The following GMEB1 variants were observed in gnomAD, a reference collection of about 807,000 sequenced individuals.
GMEB1 encodes the protein glucocorticoid modulatory element binding protein 1.
In GMEB1, 6 loss-of-function variants were observed where a neutral mutation model predicts 52.4. The ratio of observed to expected loss-of-function variants is 0.11; its 90% CI spans 0.06 to 0.23. The LOEUF is 0.23. Ranked by LOEUF, GMEB1 falls within the 10% of genes least tolerant of loss-of-function variation. The probability of loss-of-function intolerance (pLI) is 1.00; values close to 1 mark genes in which losing one functional copy is unlikely to be tolerated. For synonymous variants in GMEB1, 255 were observed against 244.9 expected, an observed-to-expected ratio of 1.04 and a Z score of -0.38; for missense variants, 486 against 685.6, an observed-to-expected ratio of 0.71 and a Z score of 3.25.
At chr1:28,711,210 C>T (rs1244721625) in intron 9 of GMEB1, among the ~76,000 whole-genome samples, 13 of 151,160 alleles carry the variant, frequency 8.6e-5, no homozygotes, top group African/African-American at 7.3e-5. Context: ...GGCGTGAACC[C>T]GGGAGGCGGA....
At chr1:28,701,766 C>T (rs1226260415) in intron 6 of GMEB1, among the ~76,000 whole-genome samples, 1 of 151,822 alleles carries the variant, frequency 6.6e-6, no homozygotes, top group Non-Finnish European at 1.5e-5. Flanking sequence ...TGCTATGTTG[C>T]CCAGGCTGGC....
intron 6 of GMEB1, among the ~76,000 whole-genome samples, chr1:28,701,728 C>T (rs758398508): frequency 6.6e-6 from 1 of 151,882 alleles, no homozygotes; most frequent in Non-Finnish European, 1.5e-5. Flanking sequence ...ACCACCACAC[C>T]CAGCTAGTTT....
At chr1:28,679,321 G>A (rs1669292953) in intron 1 of GMEB1, among the ~76,000 whole-genome samples, 2 of 151,950 alleles carry the variant, frequency 1.3e-5, no homozygotes, top group Admixed American at 6.6e-5. Context: ...GGGATTACAG[G>A]CGCCCACCAA....
rs143164167 is a variant in GMEB1 at position 28,688,459 on chromosome 1, C to G, written c.129-1645C>G. Reference sequence around the variant, plus strand: ...CAAGATGCAATAATTAGCACATCAGCTTTATTACAGAAATTAAATAAAGGA... The same window carrying G: ...CAAGATGCAATAATTAGCACATCAGGTTTATTACAGAAATTAAATAAAGGA... On this transcript the variant is annotated intron_variant, in intron 2 of 9. Coordinates refer to ENST00000373816, the MANE Select transcript of GMEB1 (RefSeq NM_001319674.2). Among the ~76,000 whole-genome samples, 501 of 152,166 alleles carry G rather than the reference C, an allele frequency of 3.3e-3. 2 individuals carry two copies. Among genetic ancestry groups the G allele is most frequent in the African/African-American group, 0.012 (484 of 41,518 alleles).
chr1:28,671,305 C>A (rs1462053662), intron 1 of GMEB1, among the ~76,000 whole-genome samples: 1 of 152,120 alleles, frequency 6.6e-6, no homozygotes, highest in East Asian at 1.9e-4. Flanking sequence ...GAGTTTCCCT[C>A]TGTTGCCCAG....
intron 1 of GMEB1, among the ~76,000 whole-genome samples, chr1:28,670,115 C>G (rs1668814093): frequency 6.6e-6 from 1 of 151,998 alleles, no homozygotes; most frequent in Non-Finnish European, 1.5e-5. Flanking sequence ...TTCCTCCTTG[C>G]CTCTTCTAAT....
chr1:28,713,418 A>G (rs1179324121), intron 9 of GMEB1, among the ~76,000 whole-genome samples: 1 of 152,200 alleles, frequency 6.6e-6, no homozygotes, highest in Non-Finnish European at 1.5e-5. Context: ...GGATAGTGAT[A>G]GGCGTACTAT....
intron 2 of GMEB1, among the ~76,000 whole-genome samples, chr1:28,688,765 T>A (rs761091974): frequency 1.3e-5 from 2 of 150,342 alleles, no homozygotes; most frequent in East Asian, 3.9e-4. Flanking sequence ...GGACATCAGC[T>A]TTTTAGTCAG....
chr1:28,707,004 A>G (rs1157126640), intron 8 of GMEB1, among the ~76,000 whole-genome samples: 7 of 46,450 alleles, frequency 1.5e-4, no homozygotes, highest in Non-Finnish European at 1.9e-4. Context: ...TTTTTTTTTG[A>G]GATGGAGTCT....
intron 1 of GMEB1, among the ~76,000 whole-genome samples, chr1:28,677,112 G>A (rs531010195): frequency 4.8e-4 from 73 of 152,054 alleles, no homozygotes; most frequent in South Asian, 2.7e-3. Flanking sequence ...AAACATAATC[G>A]AATTTTGAAT....
chr1:28,670,098 T>C (rs1668812398), intron 1 of GMEB1, among the ~76,000 whole-genome samples: 1 of 152,186 alleles, frequency 6.6e-6, no homozygotes, highest in Admixed American at 6.6e-5. Flanking sequence ...CTTGAGGGAT[T>C]ATCTTCTTCC....
chr1:28,678,167 G>A (rs1365039321), intron 1 of GMEB1, among the ~76,000 whole-genome samples: 1 of 150,850 alleles, frequency 6.6e-6, no homozygotes. Context: ...CCAGCCTGGG[G>A]TATAAGAGTG....
intron 9 of GMEB1, among the ~76,000 whole-genome samples, chr1:28,712,003 T>C (rs893829090): frequency 5.3e-5 from 8 of 152,150 alleles, no homozygotes; most frequent in Non-Finnish European, 1.5e-5. Context: ...GCTTTTTTTT[T>C]CTTTTTTTTG....
At chr1:28,713,691 G>A (rs1460111066) in intron 9 of GMEB1, among the ~76,000 whole-genome samples, 1 of 152,188 alleles carries the variant, frequency 6.6e-6, no homozygotes, top group Non-Finnish European at 1.5e-5. Flanking sequence ...AGGATAGTTT[G>A]AAAATCACTG....
At chr1:28,673,494 A>G (rs191761876) in intron 1 of GMEB1, among the ~76,000 whole-genome samples, 2 of 151,486 alleles carry the variant, frequency 1.3e-5, no homozygotes, top group Admixed American at 1.3e-4. Context: ...TGACCTTGTG[A>G]TCCACCCTCC....
chr1:28,699,982 G>A (rs1258472206), intron 6 of GMEB1, among the ~76,000 whole-genome samples: 2 of 150,598 alleles, frequency 1.3e-5, no homozygotes, highest in Non-Finnish European at 3.0e-5. Context: ...GACTGAGGTG[G>A]GAAGATCACG....
chr1:28,681,579 G>C (rs780760311), intron 1 of GMEB1, among the ~76,000 whole-genome samples: 9 of 152,184 alleles, frequency 5.9e-5, no homozygotes, highest in Non-Finnish European at 1.2e-4. Flanking sequence ...TATGATAGTT[G>C]CAGGTAAGAC....
At chr1:28,688,646 C>T (rs998204361) in intron 2 of GMEB1, among the ~76,000 whole-genome samples, 1 of 151,940 alleles carries the variant, frequency 6.6e-6, no homozygotes, top group Non-Finnish European at 1.5e-5. Context: ...AGGCTTTGCT[C>T]GTGTCAATAG....
Position 28,714,108 on chromosome 1 carries a change from G to T in GMEB1, c.1027G>T (p.Gly343Cys). The change falls in exon 10 of 10, where the codon GGC (glycine) becomes TGC (cysteine). Residue 343 changes from glycine (G) to cysteine (C), a missense_variant. Gly to Cys is a radical substitution (Grantham distance 159). Coordinates refer to ENST00000373816, the MANE Select transcript of GMEB1 (RefSeq NM_001319674.2). ...CCAGTTGGAGGAGCAGAAGAAGCAA[G>T]GCCAGGATCACAGGCTGAAATCTCA... ...ERQLEEQKKQ[G>C]QDHRLKSQTV... is the part of the protein sequence containing the mutation. 1 of 1,612,846 alleles carries T rather than the reference G, an allele frequency of 6.2e-7. No homozygotes were observed. Among genetic ancestry groups the T allele is most frequent in the Non-Finnish European group, 8.5e-7 (1 of 1,178,918 alleles).
Sources: gnomAD v4.1 joint callset for allele counts (sites outside exome capture counted in the v4.1 genomes callset) on GRCh38, gnomAD v4.1.1 for gene constraint, MANE v1.5 for transcripts, NCBI Gene and HGNC (gene_info 2026-07-23, HGNC 2026-07-21) for gene names.